The following CCDC63 variants were observed in gnomAD, a reference collection of about 807,000 sequenced individuals.
CCDC63 encodes coiled-coil domain-containing protein 63.
CCDC63 carries 54 observed loss-of-function variants against 63.6 expected under a neutral mutation model. That is an observed-to-expected ratio of 0.85 (90% confidence interval 0.68 to 1.07). CCDC63 has a LOEUF of 1.07. Ranked by LOEUF, CCDC63 falls within the 50% of genes least tolerant of loss-of-function variation. CCDC63 has a pLI of 0.00. For missense variants in CCDC63, 637 were observed against 689.6 expected (o/e 0.92, Z 0.86); for synonymous variants, 253 against 266.1 (o/e 0.95, Z 0.48).
At chr12:110,845,708 A>C (rs1043182426), upstream of CCDC63, 4 of 152,018 alleles carry the variant, frequency 2.6e-5, no homozygotes, top group Non-Finnish European at 4.4e-5. Context: ...CATTAGGGGC[A>C]ACATACTCCC....
chr12:110,863,195 G>C (rs1009422259), intron 4 of CCDC63, among the ~76,000 whole-genome samples: 1 of 152,088 alleles, frequency 6.6e-6, no homozygotes, highest in Non-Finnish European at 1.5e-5. Context: ...AAAGTAGAGC[G>C]GGGGCCTGAC....
chr12:110,853,085 T>A, intron 2 of CCDC63, 122 bp downstream of exon 2: 1 of 1,121,202 alleles, frequency 8.9e-7, no homozygotes. Flanking sequence ...ATTTTGTAGG[T>A]GGGAGGCTGG....
intron 9 of CCDC63, among the ~76,000 whole-genome samples, chr12:110,894,648 A>G (rs892271540): frequency 1.3e-5 from 2 of 152,218 alleles, no homozygotes; most frequent in African/African-American, 2.4e-5. Flanking sequence ...GGCAGGGTCC[A>G]GGTCCACGGA....
chr12:110,904,567 G>C (rs1332184162), intron 10 of CCDC63, 21 bp from the exon 11 acceptor site: 2 of 1,613,212 alleles, frequency 1.2e-6, no homozygotes, highest in Admixed American at 1.7e-5. Context: ...AGCCATCTTG[G>C]TCCTGCTTCT....
At chr12:110,848,786 G>A (rs1476600410) in intron 1 of CCDC63, among the ~76,000 whole-genome samples, 1 of 152,162 alleles carries the variant, frequency 6.6e-6, no homozygotes, top group Non-Finnish European at 1.5e-5. Flanking sequence ...TGTCAGTGAA[G>A]GTCAGATATA....
rs149665078 is a variant in CCDC63, at chr12:110,883,608, TTTTG to T, written c.854-406_854-403del. On this transcript the variant is annotated intron_variant, in intron 7 of 11. Transcript: ENST00000308208. ...AAAGCATACTACTATATATATATTT[TTTTG>T]TTTGTTTGTTTGTTTTTTGTTTGCT... 7.8e-3 allele frequency among the ~76,000 whole-genome samples: 1,180 copies of T among 151,816 alleles called. 18 individuals are homozygous for T. The highest frequency in any genetic ancestry group is 0.027 in the African/African-American group (1,110 of 41,352).
chr12:110,896,504 C>T (rs752802390), intron 9 of CCDC63, among the ~76,000 whole-genome samples: 5 of 152,096 alleles, frequency 3.3e-5, no homozygotes, highest in Admixed American at 2.0e-4. Flanking sequence ...TGAATAGGGC[C>T]GACCCCTTGA....
At chr12:110,856,028 A>C (rs1295470664) in intron 3 of CCDC63, among the ~76,000 whole-genome samples, 1 of 151,860 alleles carries the variant, frequency 6.6e-6, no homozygotes, top group Non-Finnish European at 1.5e-5. Flanking sequence ...CTTGCCTGCA[A>C]GACAGACACA....
At chr12:110,902,254 G>A (rs1227351751) in intron 10 of CCDC63, among the ~76,000 whole-genome samples, 1 of 152,200 alleles carries the variant, frequency 6.6e-6, no homozygotes, top group Non-Finnish European at 1.5e-5. Flanking sequence ...GCTTTCAGAG[G>A]AGAAAGCCTC....
At chr12:110,878,756 A>G (rs553757980) in intron 5 of CCDC63, among the ~76,000 whole-genome samples, 1 of 152,324 alleles carries the variant, frequency 6.6e-6, no homozygotes. Flanking sequence ...GTGTATGCCC[A>G]GGAGAGGGAT....
chr12:110,871,392 C>T (rs1446626084), intron 4 of CCDC63, among the ~76,000 whole-genome samples: 1 of 152,144 alleles, frequency 6.6e-6, no homozygotes, highest in African/African-American at 2.4e-5. Flanking sequence ...CCACCTGCCT[C>T]GGACTCCCAA....
chr12:110,889,579 G>A lies in CCDC63; in HGVS notation c.1075-3497G>A, dbSNP rs77331779. 1.9e-3 allele frequency among the ~76,000 whole-genome samples: 295 copies of A among 152,232 alleles called. 11 individuals carry two copies. In the East Asian group the frequency reaches 0.054, roughly 28 times the overall value. On this transcript the variant is annotated intron_variant, in intron 8 of 11. Coordinates refer to ENST00000308208, the MANE Select transcript of CCDC63 (RefSeq NM_152591.3). This position sits in a 1 kb window ranked among gnomAD's most constrained non-coding sequence, Gnocchi z 4.1. ...TTGCAAGCAGGCCAGGGTGTCTGGC[G>A]CACAGAGAGAGACATGGGAGGGAGA...
intron 4 of CCDC63, among the ~76,000 whole-genome samples, chr12:110,871,517 TTCTC>T (rs1053598584): frequency 1.9e-4 from 28 of 150,858 alleles, no homozygotes; most frequent in Admixed American, 7.3e-4. Context: ...CTTTCTTTCC[TTCTC>T]TCTATCTTTC....
At chr12:110,888,131 G>A (rs1022798512) in intron 8 of CCDC63, among the ~76,000 whole-genome samples, 1 of 152,148 alleles carries the variant, frequency 6.6e-6, no homozygotes. Flanking sequence ...GTGCTCCAGG[G>A]CCCGCAGAGC....
intron 4 of CCDC63, among the ~76,000 whole-genome samples, chr12:110,864,735 G>A (rs1306418342): frequency 6.6e-6 from 1 of 151,760 alleles, no homozygotes; most frequent in East Asian, 1.9e-4. Flanking sequence ...AAAATAAAAT[G>A]TTTTCCACTC....
chr12:110,861,360 T>C (rs1593646691), intron 4 of CCDC63, among the ~76,000 whole-genome samples: 1 of 152,182 alleles, frequency 6.6e-6, no homozygotes, highest in East Asian at 1.9e-4. Context: ...AACTCCCCAG[T>C]GGGGCTGCAT....
chr12:110,869,621 G>A (rs2071037663), intron 4 of CCDC63, among the ~76,000 whole-genome samples: 2 of 152,158 alleles, frequency 1.3e-5, no homozygotes, highest in Admixed American at 1.3e-4. Context: ...TGCTAGCAGT[G>A]TGTTGGAATG....
chr12:110,850,180 C>G (rs1046548656), intron 1 of CCDC63, among the ~76,000 whole-genome samples: 1 of 152,176 alleles, frequency 6.6e-6, no homozygotes, highest in Non-Finnish European at 1.5e-5. Context: ...GTGGCTCTGC[C>G]TCCTGTAAAT....
At position 110,858,468 on chromosome 12, in the gene CCDC63, G is replaced by T; in HGVS notation, c.180-118G>T. On this transcript the variant is annotated intron_variant, in intron 3 of 11. Transcript: ENST00000308208. ...GACCATGGACACGTCCCTTTTGCCT[G>T]CTTGCTCAGGTGGGAAATTCCTCTC... is the stretch of plus-strand genomic sequence containing the variant. The T allele has an allele frequency of 3.6e-6, 3 of 833,980 alleles. No individual in the cohort carries two copies. The Admixed American group carries it at 8.6e-5, about 24-fold the overall frequency. 51.7% of individuals were successfully genotyped at this position (833,980 alleles called of 1,614,324 possible).
Sources: gnomAD v4.1 joint callset for allele counts (sites outside exome capture counted in the v4.1 genomes callset) on GRCh38, gnomAD v4.1.1 for gene constraint, Gnocchi (gnomAD v3.1) non-coding constraint, MANE v1.5 for transcripts, NCBI Gene and HGNC (gene_info 2026-07-23, HGNC 2026-07-21) for gene names.